PRP4K: variants seen among roughly 807,000 people sequenced by gnomAD.
The protein encoded by PRP4K is pre-mRNA processing factor kinase PRP4K.
the PRP4K span, chr6:4,044,007 A>G: frequency 1.2e-6 from 2 of 1,613,958 alleles, no homozygotes; most frequent in South Asian, 1.1e-5. Flanking sequence ...ATCTAATGAC[A>G]GTTGAACAGA....
chr6:4,040,969 G>A, the PRP4K span: 1 of 1,547,790 alleles, frequency 6.5e-7, no homozygotes, highest in African/African-American at 1.4e-5. Flanking sequence ...TTCCAGTTTA[G>A]AGAAGTCTTA....
chr6:4,056,733 C>T, the PRP4K span: 25 of 1,514,918 alleles, frequency 1.7e-5, no homozygotes, highest in Admixed American at 1.2e-4. Flanking sequence ...TTTGTTTTTT[C>T]CTGTTGCCTT....
chr6:4,042,499 T>C, the PRP4K span: 2 of 1,610,342 alleles, frequency 1.2e-6, no homozygotes, highest in African/African-American at 1.3e-5. Context: ...TTGAAGACTT[T>C]GATGTAGAGG....
At chr6:4,048,788 G>T in the PRP4K span, among the ~76,000 whole-genome samples, 1 of 150,454 alleles carries the variant, frequency 6.6e-6, no homozygotes, top group Non-Finnish European at 1.5e-5. Context: ...TGTTGCCCAG[G>T]CTGGGAGGGG....
the PRP4K span, among the ~76,000 whole-genome samples, chr6:4,051,489 G>A: frequency 6.6e-6 from 1 of 151,548 alleles, no homozygotes; most frequent in African/African-American, 2.4e-5. Flanking sequence ...GCTAATTTTT[G>A]TATTTTTAGT....
chr6:4,043,949 A>G, the PRP4K span: 1 of 1,614,210 alleles, frequency 6.2e-7, no homozygotes, highest in Non-Finnish European at 8.5e-7. Flanking sequence ...AAAGAGTATG[A>G]ACGGGAAAAT....
chr6:4,058,528 T>TTAA, the PRP4K span, among the ~76,000 whole-genome samples: 22 of 152,392 alleles, frequency 1.4e-4, no homozygotes, highest in African/African-American at 5.0e-4. Context: ...TAATTTCATG[T>TTAA]TATTAAGTAG....
At chr6:4,050,475 T>C in the PRP4K span, 1 of 287,844 alleles carries the variant, frequency 3.5e-6, no homozygotes. Context: ...ATTGTCTGTC[T>C]TATGCCGTCC....
chr6:4,040,854 G>A, the PRP4K span: 1 of 1,613,968 alleles, frequency 6.2e-7, no homozygotes, highest in Non-Finnish European at 8.5e-7. Flanking sequence ...CAGAAGCAAA[G>A]TAAAGGAAGA....
chr6:4,063,287 C>G, the PRP4K span: 1 of 152,136 alleles, frequency 6.6e-6, no homozygotes, highest in Non-Finnish European at 1.5e-5. Flanking sequence ...CTTCCTGCCT[C>G]TCCCCTCCCC....
the PRP4K span, chr6:4,052,618 G>T: frequency 2.2e-6 from 2 of 913,068 alleles, no homozygotes; most frequent in Non-Finnish European, 3.1e-6. Flanking sequence ...TTTATTTTGC[G>T]CTTGATTTTA....
chr6:4,037,326 T>C, the PRP4K span: 1 of 1,358,878 alleles, frequency 7.4e-7, no homozygotes, highest in Non-Finnish European at 9.8e-7. Flanking sequence ...CTTACAGATG[T>C]TCTTTGCATA....
chr6:4,029,335 C>G, the PRP4K span, among the ~76,000 whole-genome samples: 1 of 131,486 alleles, frequency 7.6e-6, no homozygotes, highest in South Asian at 2.5e-4. Context: ...GGCGGTGTTA[C>G]TCAATTTTTT....
chr6:4,040,396 C>T, the PRP4K span, among the ~76,000 whole-genome samples: 1 of 152,206 alleles, frequency 6.6e-6, no homozygotes, highest in Non-Finnish European at 1.5e-5. Flanking sequence ...TCCCTTCACT[C>T]CAGTGCCTGT....
At chr6:4,047,099 A>G in the PRP4K span, 6 of 1,280,890 alleles carry the variant, frequency 4.7e-6, no homozygotes, top group Non-Finnish European at 6.8e-6. Context: ...ATTACTATTA[A>G]TGACTTCCCA....
At chr6:4,043,884 G>A in the PRP4K span, 11 of 1,614,010 alleles carry the variant, frequency 6.8e-6, no homozygotes, top group Non-Finnish European at 7.6e-6. Flanking sequence ...AGAGCAGTAC[G>A]AGAACACGAT....
the PRP4K span, among the ~76,000 whole-genome samples, chr6:4,050,924 CAG>C: frequency 3.3e-5 from 5 of 151,950 alleles, no homozygotes; most frequent in Non-Finnish European, 5.9e-5. Context: ...TGTTTTGAGA[CAG>C]GGTTTTGCTC....
At chr6:4,025,731 C>G in the PRP4K span, among the ~76,000 whole-genome samples, 1 of 152,152 alleles carries the variant, frequency 6.6e-6, no homozygotes, top group Admixed American at 6.5e-5. Flanking sequence ...TATGGGTAGA[C>G]TCTTAACAAT....
the PRP4K span, among the ~76,000 whole-genome samples, chr6:4,021,811 G>A: frequency 6.6e-6 from 1 of 152,176 alleles, no homozygotes; most frequent in African/African-American, 2.4e-5. Flanking sequence ...GAGCTCCCTG[G>A]CCGCAGCTCT....
Sources: allele counts gnomAD v4.1 joint callset (sites outside exome capture counted in the v4.1 genomes callset), GRCh38; gene constraint gnomAD v4.1.1; transcripts MANE v1.5; gene names NCBI Gene and HGNC (gene_info 2026-07-23, HGNC 2026-07-21).